Variants in KIF27 observed in about 807,000 individuals in gnomAD.
KIF27 encodes kinesin-like protein KIF27.
In KIF27, 84 loss-of-function variants were observed where a neutral mutation model predicts 141.8. That is an observed-to-expected ratio of 0.59 (90% CI 0.50 to 0.71). The LOEUF (loss-of-function observed/expected upper bound fraction) is 0.71. KIF27 is among the 30% of genes least tolerant of loss of function. The pLI, the probability that KIF27 is intolerant of heterozygous loss-of-function variation, is 0.00. For synonymous variants in KIF27, 471 were observed against 569.5 expected (o/e 0.83, Z 2.46); for missense variants, 1,306 against 1,628.4 (o/e 0.80, Z 3.41).
intron 17 of KIF27, among the ~76,000 whole-genome samples, chr9:83,839,155 A>T (rs1262625976): frequency 6.6e-6 from 1 of 151,826 alleles, no homozygotes; most frequent in Non-Finnish European, 1.5e-5. Context: ...ACACAGCAAG[A>T]CCCCAACTCT....
chr9:83,905,619 A>T (rs1455111610), intron 3 of KIF27, among the ~76,000 whole-genome samples: 1 of 152,226 alleles, frequency 6.6e-6, no homozygotes, highest in Non-Finnish European at 1.5e-5. Flanking sequence ...GTTCATTTAA[A>T]GTCCTGTAAG....
intron 17 of KIF27, among the ~76,000 whole-genome samples, chr9:83,839,151 C>A (rs1946271303): frequency 6.6e-6 from 1 of 151,976 alleles, no homozygotes; most frequent in Non-Finnish European, 1.5e-5. Flanking sequence ...GGCAACACAG[C>A]AAGACCCCAA....
Position 83,837,039 on chromosome 9 carries a change from T to C in KIF27, c.4168A>G (p.Ile1390Val). 3.1e-6 allele frequency: 5 copies of C among 1,613,982 alleles called. 1 individual carries two copies. Among genetic ancestry groups the C allele is most frequent in the Non-Finnish European group, 4.2e-6 (5 of 1,179,862 alleles). The change falls in exon 18 of 18, where the codon ATC becomes GTC. Residue 1390 changes from isoleucine (I) to valine (V), a missense_variant. Around this residue, in one of 4 missense-constraint regions of KIF27, gnomAD observed 148 missense variants for 250.9 expected, o/e 0.59. Transcript: ENST00000297814. ...TCCCTTGGTTTCCTAGATACTTCGA[T>C]GGAATCAGCAGCCATTGATCCAATG... ...VGIGSMAADS[I>V]EVSRKPRDLK...
At chr9:83,860,845 C>T (rs1041444929) in intron 13 of KIF27, among the ~76,000 whole-genome samples, 14 of 151,020 alleles carry the variant, frequency 9.3e-5, no homozygotes, top group African/African-American at 4.9e-5. Context: ...TTGTGGAGCA[C>T]ATTCTCTAGT....
At chr9:83,910,346 C>G (rs1195616497) in intron 2 of KIF27, among the ~76,000 whole-genome samples, 1 of 152,208 alleles carries the variant, frequency 6.6e-6, no homozygotes, top group Non-Finnish European at 1.5e-5. Context: ...CAATCTATTT[C>G]ACAGTCCTTT....
At chr9:83,916,382 T>C in intron 1 of KIF27, among the ~76,000 whole-genome samples, 1 of 152,158 alleles carries the variant, frequency 6.6e-6, no homozygotes, top group Non-Finnish European at 1.5e-5. Flanking sequence ...AGCTATGCAT[T>C]GAAAAATAGC....
intron 16 of KIF27, among the ~76,000 whole-genome samples, chr9:83,847,383 AT>A (rs563861078): frequency 2.3e-4 from 35 of 152,326 alleles, no homozygotes; most frequent in African/African-American, 7.9e-4. Flanking sequence ...TCACATCAGC[AT>A]TTAAGTACTG....
chr9:83,890,728 G>C (rs397835025), intron 6 of KIF27, among the ~76,000 whole-genome samples: 1 of 152,104 alleles, frequency 6.6e-6, no homozygotes, highest in Non-Finnish European at 1.5e-5. Flanking sequence ...ACAGAAACCA[G>C]AATTCATGAA....
chr9:83,907,183 GGGAGGCTGAGGCA>G (rs1954641728), intron 3 of KIF27, among the ~76,000 whole-genome samples: 1 of 151,608 alleles, frequency 6.6e-6, no homozygotes, highest in Non-Finnish European at 1.5e-5. Context: ...CCAGCTACTC[GGGAGGCTGAGGCA>G]GGAGAATGGC....
rs534944703 is a variant in KIF27 at position 83,835,608 on chromosome 9, A to C, written c.*1393T>G. ...CTACTCCCTAGGGGCTAGCAATGAG[A>C]GAAAGGAAGCCTTAAGTCTTTGAGC... On this transcript the variant is annotated 3_prime_UTR_variant, in exon 18 of 18. Coordinates refer to ENST00000297814, the MANE Select transcript of KIF27 (RefSeq NM_017576.4). 6.6e-6 allele frequency: 1 copy of C among 152,252 alleles called. No individual in the cohort carries two copies. The highest frequency in any genetic ancestry group is 2.1e-4 in the South Asian group (1 of 4,832). The allele number at this position is 152,252 out of a possible 1,614,324, so 9.4% of individuals were successfully genotyped here.
chr9:83,860,393 T>C (rs1208932754), intron 13 of KIF27, among the ~76,000 whole-genome samples: 4 of 152,206 alleles, frequency 2.6e-5, no homozygotes, highest in African/African-American at 9.7e-5. Context: ...CTACTGACTA[T>C]GTATTATGGG....
intron 9 of KIF27, among the ~76,000 whole-genome samples, chr9:83,886,626 C>T (rs1952128999): frequency 6.6e-6 from 1 of 152,110 alleles, no homozygotes; most frequent in Non-Finnish European, 1.5e-5. Context: ...CATGGTGGCA[C>T]ACGCCTGTAG....
chr9:83,858,962 T>C (rs1949573473), intron 14 of KIF27, 194 bp downstream of exon 14: 3 of 600,148 alleles, frequency 5.0e-6, no homozygotes, highest in Non-Finnish European at 8.9e-6. Flanking sequence ...TGGACCACTA[T>C]GTAAGGATAT....
chr9:83,887,077 T>A lies in KIF27; in HGVS notation c.2203A>T (p.Met735Leu), dbSNP rs139434047. ...AATTCTTTAATCAGATCTTCCTTCA[T>A]CTTGATGTTAATTGTAAGTTCTCTC... The part of the protein sequence containing the change: ...KMRELTINIK[M>L]KEDLIKELIK... Residue 735 changes from methionine (M) to leucine (L), a missense_variant, in exon 9 of 18, where the codon ATG becomes TTG. Met to Leu is a conservative substitution (Grantham distance 15). Around this residue, in one of 4 missense-constraint regions of KIF27, gnomAD observed 596 missense variants for 751.6 expected, o/e 0.79. Coordinates refer to ENST00000297814, the MANE Select transcript of KIF27 (RefSeq NM_017576.4). The A allele has an allele frequency of 1.2e-6, 2 of 1,600,552 alleles. No homozygotes were observed. The highest frequency in any genetic ancestry group is 1.7e-6 in the Non-Finnish European group (2 of 1,175,830).
At chr9:83,870,097 G>A (rs1950646033) in intron 12 of KIF27, among the ~76,000 whole-genome samples, 1 of 152,120 alleles carries the variant, frequency 6.6e-6, no homozygotes. Flanking sequence ...TCTAGTGTTT[G>A]AAGGTTTTAT....
intron 3 of KIF27, among the ~76,000 whole-genome samples, chr9:83,906,720 C>A (rs554182835): frequency 5.3e-4 from 72 of 134,754 alleles, no homozygotes; most frequent in African/African-American, 2.0e-3. Flanking sequence ...TCCAGCCTGG[C>A]TGACAGAGGT....
chr9:83,866,906 C>G (rs1950401286), intron 13 of KIF27, among the ~76,000 whole-genome samples: 1 of 151,690 alleles, frequency 6.6e-6, no homozygotes, highest in Admixed American at 6.6e-5. Context: ...CATATATTCA[C>G]AGTTATGTAA....
intron 11 of KIF27, among the ~76,000 whole-genome samples, chr9:83,873,404 A>G (rs1272663042): frequency 6.6e-6 from 1 of 152,242 alleles, no homozygotes. Flanking sequence ...AGACCTGAGA[A>G]GTATTTAAAG....
intron 2 of KIF27, among the ~76,000 whole-genome samples, chr9:83,911,481 G>A (rs1209988808): frequency 6.6e-6 from 1 of 151,914 alleles, no homozygotes; most frequent in Non-Finnish European, 1.5e-5. Flanking sequence ...CACCCGCCTC[G>A]ACCTCCCAAA....
Sources: allele counts gnomAD v4.1 joint callset (sites outside exome capture counted in the v4.1 genomes callset), GRCh38; gene constraint gnomAD v4.1.1; regional missense constraint gnomAD v4.1.1; transcripts MANE v1.5; gene names NCBI Gene and HGNC (gene_info 2026-07-23, HGNC 2026-07-21).